Variants in MALRD1 observed in about 807,000 individuals in gnomAD.
MALRD1 encodes the protein MAM and LDL-receptor class A domain-containing protein 1.
A neutral mutation model predicts 242.1 loss-of-function variants in MALRD1; 247 were observed. The observed-to-expected ratio is 1.02, with a 90% CI of 0.92 to 1.13. The LOEUF (loss-of-function observed/expected upper bound fraction) is 1.13. Ranked by LOEUF, MALRD1 falls within the 50% of genes most tolerant of loss-of-function variation. MALRD1 has a pLI of 0.00. For synonymous variants in MALRD1, 995 were observed against 866.6 expected (o/e 1.15, Z -2.60); for missense variants, 2,989 against 2,533.1 (o/e 1.18, Z -3.86).
rs894410015 is a variant in MALRD1 at position 19,591,410 on chromosome 10, G to T, written c.5681-3784G>T. Among the ~76,000 whole-genome samples, 3 of 151,934 alleles carry T rather than the reference G, an allele frequency of 2.0e-5. No homozygotes were observed. In the East Asian group the frequency reaches 5.8e-4, roughly 29 times the overall value. ...CTATGATAATTAGGTAAATCCATGG[G>T]TGAAACCCAAGAATAAATCCATTAA... On this transcript the variant is annotated intron_variant, in intron 33 of 39. Transcript: ENST00000454679.
chr10:19,413,426 A>C (rs1393159818), intron 28 of MALRD1, among the ~76,000 whole-genome samples: 1 of 152,078 alleles, frequency 6.6e-6, no homozygotes, highest in East Asian at 1.9e-4. Context: ...TGCTTCTTGC[A>C]CCAATTTTCT....
chr10:19,298,114 C>T (rs1453784041), intron 21 of MALRD1, among the ~76,000 whole-genome samples: 3 of 151,902 alleles, frequency 2.0e-5, no homozygotes, highest in Admixed American at 6.6e-5. Flanking sequence ...CGCATCTGCT[C>T]AGTTTCTGGT....
chr10:19,668,612 C>T (rs986395346), intron 36 of MALRD1, among the ~76,000 whole-genome samples: 4 of 152,058 alleles, frequency 2.6e-5, no homozygotes, highest in African/African-American at 9.7e-5. Context: ...TGAAGAGAAA[C>T]ATTTAATTCT....
intron 5 of MALRD1, among the ~76,000 whole-genome samples, chr10:19,112,571 T>G (rs568433848): frequency 6.6e-6 from 1 of 152,288 alleles, no homozygotes; most frequent in South Asian, 2.1e-4. Context: ...CTTACGCTTG[T>G]CACTTTATGG....
chr10:19,055,994 T>C (rs1452996511), intron 1 of MALRD1, among the ~76,000 whole-genome samples: 2 of 152,132 alleles, frequency 1.3e-5, no homozygotes, highest in Admixed American at 1.3e-4. Context: ...AACCTAAAAT[T>C]AGAGTTAAAA....
intron 32 of MALRD1, among the ~76,000 whole-genome samples, chr10:19,563,257 G>A (rs541296219): frequency 7.9e-5 from 12 of 152,236 alleles, no homozygotes; most frequent in African/African-American, 2.4e-4. Flanking sequence ...AATATCAGTA[G>A]CATTGTTGTT....
intron 28 of MALRD1, among the ~76,000 whole-genome samples, chr10:19,423,253 A>G (rs1833781182): frequency 6.6e-6 from 1 of 152,038 alleles, no homozygotes; most frequent in Non-Finnish European, 1.5e-5. Flanking sequence ...GCAAAATGCA[A>G]TCCTGTTTGC....
At chr10:19,667,969 T>G (rs1841750221) in intron 36 of MALRD1, among the ~76,000 whole-genome samples, 2 of 152,222 alleles carry the variant, frequency 1.3e-5, no homozygotes, top group African/African-American at 4.8e-5. Context: ...TGGTGCCTTT[T>G]TGCTGTGTCT....
chr10:19,079,673 G>A lies in MALRD1; in HGVS notation c.341-8167G>A, dbSNP rs144357044. ...TCAGGGCTCTGTTTTTACGTGCAGA[G>A]ATGTTTATAGTTTTTATATATTCTT... is the stretch of plus-strand genomic sequence containing the variant. On this transcript the variant is annotated intron_variant, in intron 2 of 39. Coordinates refer to ENST00000454679, the MANE Select transcript of MALRD1 (RefSeq NM_001142308.3). 6.1e-4 allele frequency among the ~76,000 whole-genome samples: 93 copies of A among 151,982 alleles called. 4 individuals carry two copies. The East Asian group carries it at 0.016, about 26-fold the overall frequency.
intron 28 of MALRD1, among the ~76,000 whole-genome samples, chr10:19,430,142 G>A (rs1474939728): frequency 1.2e-5 from 1 of 84,156 alleles, no homozygotes; most frequent in Non-Finnish European, 2.2e-5. Context: ...TGAGATGGAG[G>A]CTCACTCTGT....
intron 33 of MALRD1, among the ~76,000 whole-genome samples, chr10:19,587,789 C>T (rs963468704): frequency 6.6e-6 from 1 of 150,680 alleles, no homozygotes; most frequent in Non-Finnish European, 1.5e-5. Context: ...TTCCTAAATG[C>T]CAGGAATTGG....
intron 14 of MALRD1, among the ~76,000 whole-genome samples, chr10:19,189,433 A>G (rs955675253): frequency 6.6e-6 from 1 of 152,198 alleles, no homozygotes; most frequent in Non-Finnish European, 1.5e-5. Context: ...AAAAAATTGA[A>G]GACAAGGAAT....
intron 13 of MALRD1, among the ~76,000 whole-genome samples, chr10:19,173,650 A>G (rs1167506222): frequency 2.6e-5 from 4 of 152,144 alleles, no homozygotes; most frequent in Non-Finnish European, 5.9e-5. Context: ...AACACACAAT[A>G]CACTTTCTCA....
intron 30 of MALRD1, among the ~76,000 whole-genome samples, chr10:19,495,464 A>G (rs1260791746): frequency 1.3e-5 from 2 of 151,702 alleles, no homozygotes; most frequent in East Asian, 1.9e-4. Flanking sequence ...AAAAAAAAAG[A>G]AAACCTACAA....
At chr10:19,676,228 G>C (rs930773650) in intron 36 of MALRD1, among the ~76,000 whole-genome samples, 1 of 152,168 alleles carries the variant, frequency 6.6e-6, no homozygotes, top group Non-Finnish European at 1.5e-5. Context: ...AAAGCTGTGG[G>C]AAAGTAGTAA....
chr10:19,207,806 A>T (rs1376874913), intron 17 of MALRD1, among the ~76,000 whole-genome samples: 3 of 152,134 alleles, frequency 2.0e-5, no homozygotes, highest in Admixed American at 2.0e-4. Flanking sequence ...CCAGCCTGAT[A>T]ATGTTTAATT....
At chr10:19,601,608 G>C (rs984741103) in intron 34 of MALRD1, among the ~76,000 whole-genome samples, 1 of 151,900 alleles carries the variant, frequency 6.6e-6, no homozygotes, top group African/African-American at 2.4e-5. Context: ...AAAAAGTAAA[G>C]CTTTTTATAT....
intron 14 of MALRD1, among the ~76,000 whole-genome samples, chr10:19,203,501 T>A (rs1453962641): frequency 6.6e-6 from 1 of 152,116 alleles, no homozygotes; most frequent in Non-Finnish European, 1.5e-5. Context: ...CGGAAAAAAA[T>A]TGTATTTCTT....
intron 23 of MALRD1, 83 bp downstream of exon 23, chr10:19,327,756 T>A: frequency 3.6e-6 from 4 of 1,115,686 alleles, no homozygotes; most frequent in Non-Finnish European, 5.2e-6. Flanking sequence ...ACTCACAGTC[T>A]TCTTGCCCCC....
Sources: gnomAD v4.1 joint callset for allele counts (sites outside exome capture counted in the v4.1 genomes callset) on GRCh38, gnomAD v4.1.1 for gene constraint, MANE v1.5 for transcripts, NCBI Gene and HGNC (gene_info 2026-07-23, HGNC 2026-07-21) for gene names.